ZFHX3: variants seen among roughly 807,000 people sequenced by gnomAD.
ZFHX3 encodes zinc finger homeobox 3.
Under a neutral mutation model 279.1 loss-of-function variants are expected in ZFHX3, and 42 were observed. The observed-to-expected ratio is 0.15, with a 90% confidence interval of 0.12 to 0.19. ZFHX3 has a LOEUF of 0.19. ZFHX3 is among the 10% of genes least tolerant of loss of function. The probability of loss-of-function intolerance (pLI) is 1.00; values close to 1 mark genes in which losing one functional copy is unlikely to be tolerated. For missense variants in ZFHX3, 4,981 were observed against 4,754.0 expected, an observed-to-expected ratio of 1.05 and a Z score of -1.40; for synonymous variants, 2,293 against 1,957.8, an observed-to-expected ratio of 1.17 and a Z score of -4.52.
intron 1 of ZFHX3, among the ~76,000 whole-genome samples, chr16:73,749,240 T>C (rs1020770240): frequency 2.6e-5 from 4 of 152,156 alleles, no homozygotes; most frequent in South Asian, 2.1e-4. Context: ...TGGTGAACTT[T>C]CCTTGTCCTT....
chr16:72,981,049 G>A (rs530020103), intron 1 of ZFHX3, among the ~76,000 whole-genome samples: 9 of 152,052 alleles, frequency 5.9e-5, no homozygotes, highest in Admixed American at 2.6e-4. Flanking sequence ...GAGTCAATAC[G>A]TTCATGGCAA....
At chr16:73,554,562 G>A (rs944446726) in intron 2 of ZFHX3, 1 of 152,282 alleles carries the variant, frequency 6.6e-6, no homozygotes. Context: ...ACTTTTCAGG[G>A]TGGCATAGAA....
At chr16:73,696,461 C>G (rs2053198544) in intron 1 of ZFHX3, among the ~76,000 whole-genome samples, 1 of 152,246 alleles carries the variant, frequency 6.6e-6, no homozygotes, top group African/African-American at 2.4e-5. Flanking sequence ...GCCAAGGAAA[C>G]AGTGTGTTGG....
At chr16:72,807,312 G>C (rs910344459) in intron 7 of ZFHX3, 1 of 152,206 alleles carries the variant, frequency 6.6e-6, no homozygotes, top group Non-Finnish European at 1.5e-5. Context: ...CGTGTGCAGA[G>C]GTACTCTTTG....
chr16:73,484,648 T>G (rs2143634495), intron 2 of ZFHX3, among the ~76,000 whole-genome samples: 1 of 152,286 alleles, frequency 6.6e-6, no homozygotes. Context: ...TGCATACCCA[T>G]GTGAGGAGTA....
rs775100836 is a variant in ZFHX3 at position 72,796,256 on chromosome 16, C to T, written c.6426G>A (p.Gln2142=). 3 of 1,614,152 alleles carry T rather than the reference C, an allele frequency of 1.9e-6. No homozygotes were observed. Among genetic ancestry groups the T allele is most frequent in the Non-Finnish European group, 2.5e-6 (3 of 1,180,032 alleles). Residue 2142 remains glutamine (Q), a synonymous_variant, in exon 9 of 10, where the codon CAG becomes CAA. Transcript: ENST00000268489. ...YQHQLNPTLL[Q]QQNKRPRTRI... is the part of the protein sequence containing the mutation. ...TGGTGCGAGGCCTCTTGTTCTGCTG[C>T]TGGAGCAGGGTTGGATTGAGCTGAT...
chr16:73,624,429 T>G (rs1416106269), intron 2 of ZFHX3, among the ~76,000 whole-genome samples: 1 of 151,504 alleles, frequency 6.6e-6, no homozygotes, highest in African/African-American at 2.4e-5. Flanking sequence ...TGTCATAAAC[T>G]CAGCTGCTGA....
At chr16:73,847,573 T>A (rs918334642) in intron 1 of ZFHX3, among the ~76,000 whole-genome samples, 3 of 152,180 alleles carry the variant, frequency 2.0e-5, no homozygotes, top group Non-Finnish European at 4.4e-5. Flanking sequence ...CTTTGGTGAA[T>A]GAGCCAACTT....
chr16:73,861,910 G>A (rs1463300724), intron 1 of ZFHX3, among the ~76,000 whole-genome samples: 3 of 152,194 alleles, frequency 2.0e-5, no homozygotes. Context: ...TATTCAAAAT[G>A]TGTCATTTGT....
In ZFHX3 at chr16:73,579,854, T is replaced by TTATATA. The variant is rs200667144; in HGVS notation, c.-1547+100320_-1547+100325dup. ...GGTTCACAAATATATATTATACAGA[T>TTATATA]TATATATATATATATATATACATAC... On this transcript the variant is annotated intron_variant, in intron 2 of 17. Coordinates refer to the ZFHX3 transcript ENST00000641206. 9.4e-3 allele frequency among the ~76,000 whole-genome samples: 1,324 copies of TTATATA among 140,916 alleles called. 27 individuals are homozygous for TTATATA. Among genetic ancestry groups the TTATATA allele is most frequent in the South Asian group, 0.053 (249 of 4,664 alleles). The allele number at this position is 140,916 out of a possible 152,430, so 92.4% of individuals were successfully genotyped here.
intron 2 of ZFHX3, among the ~76,000 whole-genome samples, chr16:73,497,288 T>C (rs1394086699): frequency 6.6e-6 from 1 of 152,180 alleles, no homozygotes; most frequent in Non-Finnish European, 1.5e-5. Context: ...AAAAACTGTC[T>C]GACAAAATCA....
chr16:73,777,568 CATTT>C (rs1322019904), intron 1 of ZFHX3, among the ~76,000 whole-genome samples: 7 of 100,648 alleles, frequency 7.0e-5, no homozygotes. Context: ...ATTAAGAAAA[CATTT>C]ATTTATTTCA....
intron 2 of ZFHX3, among the ~76,000 whole-genome samples, chr16:73,510,854 A>G (rs1318047603): frequency 1.3e-5 from 2 of 152,222 alleles, no homozygotes; most frequent in Non-Finnish European, 2.9e-5. Context: ...TCCTTAAAGA[A>G]AGACCTCAGT....
chr16:73,242,819 T>A (rs2013164778), intron 5 of ZFHX3, among the ~76,000 whole-genome samples: 1 of 152,128 alleles, frequency 6.6e-6, no homozygotes, highest in South Asian at 2.1e-4. Flanking sequence ...CATTTCAAGG[T>A]GCCAGCAACC....
At chr16:73,432,050 A>G (rs545341489) in intron 3 of ZFHX3, among the ~76,000 whole-genome samples, 1 of 152,318 alleles carries the variant, frequency 6.6e-6, no homozygotes, top group South Asian at 2.1e-4. Context: ...CACCCTGAGC[A>G]CAGGGGAAAT....
chr16:73,130,930 C>T, intron 7 of ZFHX3: 6 of 1,291,056 alleles, frequency 4.6e-6, no homozygotes, highest in Non-Finnish European at 6.1e-6. Flanking sequence ...TTTTAAAATG[C>T]AAATGGCTAG....
intron 1 of ZFHX3, chr16:73,014,544 T>TTTTTGTTG (rs1414520446): frequency 1.7e-4 from 25 of 143,484 alleles, no homozygotes; most frequent in African/African-American, 6.6e-4. Context: ...TTTTTTTTTT[T>TTTTTGTTG]TTGAGACACA....
At chr16:72,811,444 A>C (rs1427865579) in intron 7 of ZFHX3, 133 bp downstream of exon 7, 4 of 1,004,788 alleles carry the variant, frequency 4.0e-6, no homozygotes, top group Non-Finnish European at 5.7e-6. Flanking sequence ...AAGGTCACAG[A>C]ACAAGGACTG....
At chr16:73,550,818 T>G (rs2020192139) in intron 2 of ZFHX3, among the ~76,000 whole-genome samples, 1 of 152,218 alleles carries the variant, frequency 6.6e-6, no homozygotes, top group African/African-American at 2.4e-5. Flanking sequence ...ATCATAAGGT[T>G]TCCAGGGCAG....
Sources: allele counts gnomAD v4.1 joint callset (sites outside exome capture counted in the v4.1 genomes callset), GRCh38; gene constraint gnomAD v4.1.1; transcripts MANE v1.5; gene names NCBI Gene and HGNC (gene_info 2026-07-23, HGNC 2026-07-21).